SLC4A10: variants seen among roughly 807,000 people sequenced by gnomAD.
SLC4A10 encodes the protein sodium-driven chloride bicarbonate exchanger.
SLC4A10 carries 42 observed loss-of-function variants against 137.7 expected under a neutral mutation model. That is an observed-to-expected ratio of 0.30 (90% CI 0.24 to 0.39). The LOEUF (loss-of-function observed/expected upper bound fraction) is 0.39. Ranked by LOEUF, SLC4A10 falls within the 10% of genes least tolerant of loss-of-function variation. The pLI is 1.00. For synonymous variants in SLC4A10, 474 were observed against 464.1 expected, an observed-to-expected ratio of 1.02 and a Z score of -0.27; for missense variants, 925 against 1,355.0, an observed-to-expected ratio of 0.68 and a Z score of 4.98.
intron 2 of SLC4A10, among the ~76,000 whole-genome samples, chr2:161,802,990 G>C (rs1559283332): frequency 6.6e-6 from 1 of 152,042 alleles, no homozygotes; most frequent in South Asian, 2.1e-4. Context: ...TTCATCCACA[G>C]TATTGCCATT....
At chr2:161,723,755 A>G (rs1050879900) in intron 1 of SLC4A10, among the ~76,000 whole-genome samples, 3 of 152,208 alleles carry the variant, frequency 2.0e-5, no homozygotes, top group Admixed American at 6.5e-5. Flanking sequence ...AATAAAATCT[A>G]TGGAGATAGA....
chr2:161,944,607 T>G (rs1693382628), intron 16 of SLC4A10, among the ~76,000 whole-genome samples: 1 of 151,532 alleles, frequency 6.6e-6, no homozygotes, highest in South Asian at 2.1e-4. Flanking sequence ...TCTTTTTTTT[T>G]GTCATTTTAA....
intron 1 of SLC4A10, among the ~76,000 whole-genome samples, chr2:161,742,460 G>C (rs534647093): frequency 0.049 from 925 of 18,928 alleles, 9 homozygotes; most frequent in Non-Finnish European, 0.08. Context: ...TTTTTTTTTT[G>C]AGACTGAGTC....
chr2:161,640,657 C>CTTCTTTCT (rs796532576), intron 1 of SLC4A10, among the ~76,000 whole-genome samples: 20 of 62,226 alleles, frequency 3.2e-4, no homozygotes, highest in African/African-American at 1.2e-3. Flanking sequence ...TCCTTCCTTC[C>CTTCTTTCT]TTCTTTCTTT....
At chr2:161,624,884 C>G (rs1351925232) in intron 1 of SLC4A10, among the ~76,000 whole-genome samples, 2 of 152,056 alleles carry the variant, frequency 1.3e-5, no homozygotes, top group African/African-American at 4.8e-5. Flanking sequence ...CTGCTTATCT[C>G]TCTGATTCTC....
rs186269260 is a variant in SLC4A10 at position 161,781,034 on chromosome 2, C to T, written c.130+9980C>T. ...AAAAACATACCACCAGCCCCACTCTCCACCAGTGTGGCCAAACCAAGGGAA... is the reference window on the plus strand; with the variant it reads ...AAAAACATACCACCAGCCCCACTCTTCACCAGTGTGGCCAAACCAAGGGAA... On this transcript the variant is annotated intron_variant, in intron 2 of 26. Transcript: ENST00000446997. Among the ~76,000 whole-genome samples, 28 of 152,172 alleles carry T rather than the reference C, an allele frequency of 1.8e-4. No homozygotes were observed. In the East Asian group the frequency reaches 5.0e-3, roughly 27 times the overall value.
At chr2:161,921,142 A>G (rs1438416876) in intron 15 of SLC4A10, among the ~76,000 whole-genome samples, 1 of 152,218 alleles carries the variant, frequency 6.6e-6, no homozygotes, top group Non-Finnish European at 1.5e-5. Context: ...CATTCATAGA[A>G]AAAGGAAACC....
chr2:161,638,727 A>G (rs1343309760), intron 1 of SLC4A10, among the ~76,000 whole-genome samples: 1 of 152,052 alleles, frequency 6.6e-6, no homozygotes, highest in Non-Finnish European at 1.5e-5. Flanking sequence ...GAGTGTTTTA[A>G]CAATATTAAT....
chr2:161,666,402 T>G (rs1260524021), intron 1 of SLC4A10, among the ~76,000 whole-genome samples: 1 of 151,684 alleles, frequency 6.6e-6, no homozygotes, highest in African/African-American at 2.4e-5. Flanking sequence ...TTTGGAATAA[T>G]CAGCTTTTCC....
intron 15 of SLC4A10, among the ~76,000 whole-genome samples, chr2:161,937,096 A>G (rs1691711101): frequency 6.6e-6 from 1 of 152,126 alleles, no homozygotes; most frequent in African/African-American, 2.4e-5. Flanking sequence ...TCATTGTCCC[A>G]CTGGTTGTTG....
At chr2:161,755,959 C>G (rs191362193) in intron 1 of SLC4A10, among the ~76,000 whole-genome samples, 6 of 151,906 alleles carry the variant, frequency 3.9e-5, no homozygotes, top group Non-Finnish European at 7.4e-5. Flanking sequence ...TTAGTAAAGA[C>G]GGGGTTTCTC....
intron 1 of SLC4A10, among the ~76,000 whole-genome samples, chr2:161,688,271 T>A (rs1055365661): frequency 6.6e-6 from 1 of 152,190 alleles, no homozygotes; most frequent in African/African-American, 2.4e-5. Flanking sequence ...AGGTGTTAAA[T>A]CTTAATTGAG....
In SLC4A10 at chr2:161,882,871, C is replaced by T. The variant is rs543229039; in HGVS notation, c.1194+427C>T. Among the ~76,000 whole-genome samples the T allele has an allele frequency of 1.2e-3, 188 of 152,130 alleles. 1 individual carries two copies. The highest frequency in any genetic ancestry group is 2.1e-3 in the Non-Finnish European group (145 of 67,990). On this transcript the variant is annotated intron_variant, in intron 10 of 26. Coordinates refer to ENST00000446997, the MANE Select transcript of SLC4A10 (RefSeq NM_001178015.2). ...ACATCTATCAACTCTCTACAGTTGC[C>T]TGAATGTAGATATTTTTAACCTGGG...
chr2:161,938,229 C>G (rs1451382863), intron 15 of SLC4A10, among the ~76,000 whole-genome samples: 1 of 152,086 alleles, frequency 6.6e-6, no homozygotes. Flanking sequence ...CGAGATCATG[C>G]CATTGCACTC....
chr2:161,904,240 A>G (rs1683793290), intron 13 of SLC4A10, 62 bp downstream of exon 13: 3 of 1,475,040 alleles, frequency 2.0e-6, no homozygotes, highest in South Asian at 1.3e-5. Context: ...TCATAGTTAG[A>G]TAAGTGAGCA....
At chr2:161,732,889 A>G (rs927410790) in intron 1 of SLC4A10, among the ~76,000 whole-genome samples, 1 of 152,168 alleles carries the variant, frequency 6.6e-6, no homozygotes, top group Admixed American at 6.5e-5. Context: ...TAGCAAAGAG[A>G]CTGGCGGCAT....
At chr2:161,716,404 C>T (rs1207151566) in intron 1 of SLC4A10, among the ~76,000 whole-genome samples, 3 of 152,052 alleles carry the variant, frequency 2.0e-5, no homozygotes, top group South Asian at 2.1e-4. Flanking sequence ...AATCTTTGCC[C>T]GTGCCTATGT....
intron 1 of SLC4A10, among the ~76,000 whole-genome samples, chr2:161,715,243 T>C (rs540560563): frequency 1.3e-5 from 2 of 152,112 alleles, no homozygotes; most frequent in South Asian, 2.1e-4. Context: ...CTGAATTAGA[T>C]AGCCATGTAT....
At chr2:161,895,662 A>G (rs2105233585) in intron 11 of SLC4A10, among the ~76,000 whole-genome samples, 1 of 152,334 alleles carries the variant, frequency 6.6e-6, no homozygotes, top group South Asian at 2.1e-4. Context: ...TCTGATGACC[A>G]GTGATGATGA....
Sources: allele counts gnomAD v4.1 joint callset (sites outside exome capture counted in the v4.1 genomes callset), GRCh38; gene constraint gnomAD v4.1.1; transcripts MANE v1.5; gene names NCBI Gene and HGNC (gene_info 2026-07-23, HGNC 2026-07-21).